TMEM131: variants seen among roughly 807,000 people sequenced by gnomAD.
TMEM131 encodes the protein 2610524E03Rik.
Under a neutral mutation model 211.6 loss-of-function variants are expected in TMEM131, and 66 were observed. The observed-to-expected ratio is 0.31, with a 90% confidence interval of 0.26 to 0.38. TMEM131 has a LOEUF of 0.38. Ranked by LOEUF, TMEM131 falls within the 10% of genes least tolerant of loss-of-function variation. The pLI is 1.00. For synonymous variants in TMEM131, 844 were observed against 841.3 expected (o/e 1.00, Z -0.06); for missense variants, 2,036 against 2,299.3 (o/e 0.89, Z 2.34).
chr2:97,760,302 C>T, intron 38 of TMEM131: 2 of 451,646 alleles, frequency 4.4e-6, no homozygotes, highest in South Asian at 2.4e-5. Flanking sequence ...CACATCTTAC[C>T]ACAGACCAGG....
intron 1 of TMEM131, among the ~76,000 whole-genome samples, chr2:97,988,475 C>A (rs574472436): frequency 1.9e-4 from 29 of 152,234 alleles, no homozygotes; most frequent in African/African-American, 7.0e-4. Context: ...AGAATATGAT[C>A]AACAGAGTGA....
In TMEM131 at chr2:97,792,686, C is replaced by T; in HGVS notation, c.3844G>A (p.Gly1282Arg). Residue 1282 changes from glycine (G) to arginine (R), a missense_variant, in exon 31 of 41, where the codon GGG (glycine) becomes AGG (arginine). Coordinates refer to ENST00000186436, the MANE Select transcript of TMEM131 (RefSeq NM_015348.2). ...CTGCCGTGCTGGCTCTGCTTTGCCCCTTTGGACTTTCTGCCCGCTGTATGA... is the reference window on the plus strand; with the variant it reads ...CTGCCGTGCTGGCTCTGCTTTGCCCTTTTGGACTTTCTGCCCGCTGTATGA... ...QGHTAGRKSK[G>R]AKQSQHGSQH... is the part of the protein sequence containing the mutation. 6.2e-7 allele frequency: 1 copy of T among 1,614,022 alleles called. No homozygotes were observed. The highest frequency in any genetic ancestry group is 1.1e-5 in the South Asian group (1 of 91,084).
In TMEM131 at chr2:97,772,422, A is replaced by G; in HGVS notation, c.4323T>C (p.Asp1441=). 1 of 1,611,186 alleles carries G rather than the reference A, an allele frequency of 6.2e-7. No individual in the cohort carries two copies. The highest frequency in any genetic ancestry group is 8.5e-7 in the Non-Finnish European group (1 of 1,179,288). Residue 1441 remains aspartate, a splice_region_variant and synonymous_variant, in exon 33 of 41, where the codon GAT becomes GAC. Coordinates refer to ENST00000186436, the MANE Select transcript of TMEM131 (RefSeq NM_015348.2). ...CTTGTTTTCCCTTTTGCTTTTCTGT[A>G]TCCTGTAAAAAATGGACACTTAATT... ...NPDTEPLLKE[D]TEKQKGKQAM...
At chr2:97,769,596 A>G (rs1243920720) in intron 33 of TMEM131, among the ~76,000 whole-genome samples, 1 of 152,218 alleles carries the variant, frequency 6.6e-6, no homozygotes, top group African/African-American at 2.4e-5. Flanking sequence ...TTATTTAAGC[A>G]GATTTTTACA....
chr2:97,885,350 C>T (rs1440677252), intron 4 of TMEM131, among the ~76,000 whole-genome samples: 1 of 150,494 alleles, frequency 6.6e-6, no homozygotes, highest in Non-Finnish European at 1.5e-5. Context: ...CGCCACCACG[C>T]CCAGCTAATT....
chr2:97,796,581 A>C (rs1467523915), intron 27 of TMEM131, among the ~76,000 whole-genome samples, 177 bp from the exon 28 acceptor site: 1 of 152,226 alleles, frequency 6.6e-6, no homozygotes, highest in Non-Finnish European at 1.5e-5. Flanking sequence ...TTGATAAATC[A>C]TTTTAGATGG....
chr2:97,873,807 T>C (rs933430658), intron 4 of TMEM131, among the ~76,000 whole-genome samples: 1 of 152,034 alleles, frequency 6.6e-6, no homozygotes, highest in African/African-American at 2.4e-5. Context: ...AATCAGAAGG[T>C]CTCTTCTCCT....
intron 4 of TMEM131, among the ~76,000 whole-genome samples, chr2:97,860,394 C>T (rs1674020072): frequency 6.6e-6 from 1 of 152,136 alleles, no homozygotes; most frequent in South Asian, 2.1e-4. Flanking sequence ...TTCAAATATA[C>T]ACCCTTCTTT....
At chr2:97,849,103 T>C (rs1013113830) in intron 5 of TMEM131, among the ~76,000 whole-genome samples, 1 of 152,140 alleles carries the variant, frequency 6.6e-6, no homozygotes, top group Non-Finnish European at 1.5e-5. Context: ...AAAAATGGCC[T>C]AACACTGTAC....
At chr2:97,864,437 C>T (rs987277071) in intron 4 of TMEM131, among the ~76,000 whole-genome samples, 1 of 152,134 alleles carries the variant, frequency 6.6e-6, no homozygotes, top group Admixed American at 6.5e-5. Context: ...ATCCCATTTA[C>T]CTTGATGTGA....
intron 1 of TMEM131, 129 bp downstream of exon 1, chr2:97,995,347 G>A (rs1403130240): frequency 3.2e-6 from 3 of 950,202 alleles, no homozygotes; most frequent in Non-Finnish European, 4.1e-6. Flanking sequence ...CCCGGCTCGG[G>A]ACGGTACCCG....
At chr2:97,820,282 G>A (rs1346936676) in intron 11 of TMEM131, among the ~76,000 whole-genome samples, 3 of 152,128 alleles carry the variant, frequency 2.0e-5, no homozygotes, top group Non-Finnish European at 2.9e-5. Flanking sequence ...TGTTATTAGC[G>A]ACATTTAAAA....
At chr2:97,806,502 C>T (rs1185138785) in intron 19 of TMEM131, among the ~76,000 whole-genome samples, 3 of 152,170 alleles carry the variant, frequency 2.0e-5, no homozygotes, top group Non-Finnish European at 2.9e-5. Flanking sequence ...GATCGTACCA[C>T]GGCACTCCAG....
chr2:97,930,842 G>A (rs1677188334), intron 1 of TMEM131, among the ~76,000 whole-genome samples: 1 of 151,768 alleles, frequency 6.6e-6, no homozygotes, highest in African/African-American at 2.4e-5. Flanking sequence ...CTTTCCTGAT[G>A]TTCCCTAGTT....
chr2:97,881,167 T>C (rs773206366), intron 4 of TMEM131, among the ~76,000 whole-genome samples: 1 of 152,088 alleles, frequency 6.6e-6, no homozygotes, highest in Non-Finnish European at 1.5e-5. Context: ...GATTGCAAGA[T>C]GATTGCCGCA....
chr2:97,841,941 T>C lies in TMEM131; in HGVS notation c.601-4A>G. 2 of 1,533,662 alleles carry C rather than the reference T, an allele frequency of 1.3e-6. No homozygotes were observed. The highest frequency in any genetic ancestry group is 1.3e-5 in the South Asian group (1 of 78,488). ...TTGGAACTCCAACACCAAATACCTG[T>C]TTCAGTGGAGGAAAAAAATGCAATT... On this transcript the variant is annotated splice_polypyrimidine_tract_variant and splice_region_variant and intron_variant, in intron 6 of 40. Coordinates refer to ENST00000186436, the MANE Select transcript of TMEM131 (RefSeq NM_015348.2).
At chr2:97,859,226 A>AG in intron 5 of TMEM131, 78 bp downstream of exon 5, 1 of 1,430,762 alleles carries the variant, frequency 7.0e-7, no homozygotes, top group East Asian at 2.5e-5. Context: ...TTCTAATCAC[A>AG]GCAAGTTATT....
intron 11 of TMEM131, among the ~76,000 whole-genome samples, chr2:97,830,278 C>G (rs1682611391): frequency 6.6e-6 from 1 of 152,014 alleles, no homozygotes; most frequent in Non-Finnish European, 1.5e-5. Context: ...CATACACAAT[C>G]AACACCTTGT....
At chr2:97,818,259 A>G (rs1220104513) in intron 12 of TMEM131, among the ~76,000 whole-genome samples, 1 of 152,174 alleles carries the variant, frequency 6.6e-6, no homozygotes, top group African/African-American at 2.4e-5. Context: ...AACATGTTTC[A>G]GAACTTCAAA....
Sources: gnomAD v4.1 joint callset for allele counts (sites outside exome capture counted in the v4.1 genomes callset) on GRCh38, gnomAD v4.1.1 for gene constraint, MANE v1.5 for transcripts, NCBI Gene and HGNC (gene_info 2026-07-23, HGNC 2026-07-21) for gene names.